USP34: variants seen among roughly 807,000 people sequenced by gnomAD.
USP34 encodes ubiquitin specific peptidase 34.
A neutral mutation model predicts 460.3 loss-of-function variants in USP34; 70 were observed. The observed-to-expected ratio is 0.15, with a 90% CI of 0.13 to 0.19. USP34 has a LOEUF of 0.19. USP34 is among the 10% of genes least tolerant of loss of function. The pLI, the probability that USP34 is intolerant of heterozygous loss-of-function variation, is 1.00. For synonymous variants in USP34, 1,647 were observed against 1,405.3 expected, an observed-to-expected ratio of 1.17 and a Z score of -3.85; for missense variants, 3,985 against 4,236.2, an observed-to-expected ratio of 0.94 and a Z score of 1.65.
chr2:61,313,031 C>A (rs148884938), intron 25 of USP34, among the ~76,000 whole-genome samples: 3 of 152,064 alleles, frequency 2.0e-5, no homozygotes, highest in Non-Finnish European at 4.4e-5. Flanking sequence ...AATAATAGCA[C>A]TAAGCACATC....
chr2:61,239,894 C>G (rs974533139), intron 53 of USP34, among the ~76,000 whole-genome samples: 1 of 151,644 alleles, frequency 6.6e-6, no homozygotes, highest in African/African-American at 2.4e-5. Context: ...GCCTGTAGTC[C>G]CAGCTACTAG....
At chr2:61,310,962 T>G (rs893289228) in intron 27 of USP34, among the ~76,000 whole-genome samples, 2 of 152,108 alleles carry the variant, frequency 1.3e-5, no homozygotes, top group African/African-American at 4.8e-5. Flanking sequence ...AATGAAGAAT[T>G]TTTTGCAAAT....
At chr2:61,307,281 CAAG>C (rs561804473) in intron 27 of USP34, among the ~76,000 whole-genome samples, 1,343 of 126,360 alleles carry the variant, frequency 0.011, 10 homozygotes, top group Middle Eastern at 0.1. Context: ...CACTTGGACA[CAAG>C]AAGGGGAACA....
At chr2:61,352,850 C>T (rs1033626372) in intron 10 of USP34, among the ~76,000 whole-genome samples, 6 of 151,270 alleles carry the variant, frequency 4.0e-5, no homozygotes, top group South Asian at 2.1e-4. Context: ...AGGACAAAGA[C>T]GATGAAAACA....
At chr2:61,189,158 C>G (rs938760648) in intron 78 of USP34, 89 bp from the exon 79 acceptor site, 1 of 1,383,216 alleles carries the variant, frequency 7.2e-7, no homozygotes, top group African/African-American at 1.5e-5. Flanking sequence ...TTTATTTTCC[C>G]AGGAATCCAT....
At chr2:61,439,931 G>C (rs1558595652) in intron 1 of USP34, among the ~76,000 whole-genome samples, 2 of 152,148 alleles carry the variant, frequency 1.3e-5, no homozygotes, top group South Asian at 2.1e-4. Context: ...GGGCCAACAG[G>C]GTACAGGGAG....
At chr2:61,385,242 G>A (rs1315542275) in intron 5 of USP34, among the ~76,000 whole-genome samples, 2 of 152,002 alleles carry the variant, frequency 1.3e-5, no homozygotes, top group Non-Finnish European at 2.9e-5. Flanking sequence ...TGTAAATAAG[G>A]AGACATTTGC....
chr2:61,443,252 T>C (rs1695016807), intron 1 of USP34, among the ~76,000 whole-genome samples: 1 of 152,046 alleles, frequency 6.6e-6, no homozygotes, highest in African/African-American at 2.4e-5. Flanking sequence ...TTAACAATAA[T>C]ACATTATATA....
intron 72 of USP34, 78 bp downstream of exon 72, chr2:61,205,938 AG>A: frequency 9.2e-7 from 1 of 1,087,702 alleles, no homozygotes; most frequent in East Asian, 2.4e-5. Flanking sequence ...CAAACACTAC[AG>A]GCTTAACATC....
chr2:61,420,889 C>G, intron 1 of USP34, 56 bp from the exon 2 acceptor site: 1 of 1,299,510 alleles, frequency 7.7e-7, no homozygotes, highest in South Asian at 1.4e-5. Context: ...GTATTAAAGC[C>G]AACAGTTCAA....
intron 10 of USP34, among the ~76,000 whole-genome samples, chr2:61,355,603 A>C (rs34606253): frequency 0.16 from 24,086 of 150,652 alleles, 2,238 homozygotes; most frequent in South Asian, 0.36. Context: ...GAACTGTTTC[A>C]CTACAAAAAC....
At chr2:61,246,645 C>T (rs1279590515) in intron 49 of USP34, among the ~76,000 whole-genome samples, 168 bp from the exon 50 acceptor site, 1 of 152,060 alleles carries the variant, frequency 6.6e-6, no homozygotes, top group Non-Finnish European at 1.5e-5. Flanking sequence ...TTATAATAAA[C>T]TTTATTTACA....
chr2:61,291,049 G>A (rs1465591294), intron 33 of USP34, among the ~76,000 whole-genome samples: 2 of 152,090 alleles, frequency 1.3e-5, no homozygotes, highest in African/African-American at 4.8e-5. Flanking sequence ...GAAAATATTT[G>A]TAAATCACAT....
chr2:61,282,262 G>A (rs1045685116), intron 37 of USP34, among the ~76,000 whole-genome samples: 1 of 152,124 alleles, frequency 6.6e-6, no homozygotes, highest in Non-Finnish European at 1.5e-5. Flanking sequence ...TTACAGGCGT[G>A]AGCCACAGTG....
At chr2:61,235,768 T>C (rs760922338) in intron 57 of USP34, 77 bp downstream of exon 57, 2 of 1,434,954 alleles carry the variant, frequency 1.4e-6, no homozygotes, top group Non-Finnish European at 1.9e-6. Flanking sequence ...ACAACTCTGC[T>C]GTAGCATCTT....
At position 61,257,200 on chromosome 2, in the gene USP34, T is replaced by C; in HGVS notation, c.5991+4A>G. The C allele has an allele frequency of 6.2e-7, 1 of 1,603,634 alleles. No individual in the cohort carries two copies. The highest frequency in any genetic ancestry group is 8.5e-7 in the Non-Finnish European group (1 of 1,176,274). ...AAGAAACTTTTCAGTATTCTGATAC[T>C]AACCAGTTCGGGAGACATTTCTTCG... On this transcript the variant is annotated splice_donor_region_variant and intron_variant, in intron 45 of 79. Transcript: ENST00000398571.
chr2:61,228,276 A>G (rs1183897395), intron 61 of USP34, among the ~76,000 whole-genome samples: 1 of 152,216 alleles, frequency 6.6e-6, no homozygotes, highest in Non-Finnish European at 1.5e-5. Flanking sequence ...TTATTCATAG[A>G]CCACCTACTT....
intron 35 of USP34, 137 bp from the exon 36 acceptor site, chr2:61,283,586 A>C: frequency 1.4e-6 from 1 of 728,210 alleles, no homozygotes; most frequent in South Asian, 2.1e-5. Context: ...AGTGAGAGTG[A>C]GAGTGAGAGT....
intron 20 of USP34, among the ~76,000 whole-genome samples, chr2:61,328,214 A>G (rs1405691231): frequency 6.6e-6 from 1 of 151,876 alleles, no homozygotes; most frequent in East Asian, 1.9e-4. Flanking sequence ...AGGCACGAGA[A>G]TCACTTAAAC....
Sources: gnomAD v4.1 joint callset for allele counts (sites outside exome capture counted in the v4.1 genomes callset) on GRCh38, gnomAD v4.1.1 for gene constraint, MANE v1.5 for transcripts, NCBI Gene and HGNC (gene_info 2026-07-23, HGNC 2026-07-21) for gene names.